The following SPRED1 variants were observed in gnomAD, a reference collection of about 807,000 sequenced individuals.
SPRED1 encodes the protein sprouty related EVH1 domain containing 1.
In SPRED1, 18 loss-of-function variants were observed where a neutral mutation model predicts 52.3. The ratio of observed to expected loss-of-function variants is 0.34; its 90% CI spans 0.24 to 0.51. SPRED1 has a LOEUF of 0.51. Ranked by LOEUF, SPRED1 falls within the 20% of genes least tolerant of loss-of-function variation. SPRED1 has a pLI of 0.97. For missense variants in SPRED1, 485 were observed against 551.0 expected, an observed-to-expected ratio of 0.88 and a Z score of 1.20; for synonymous variants, 155 against 179.7, an observed-to-expected ratio of 0.86 and a Z score of 1.10.
At chr15:38,275,362 A>G (rs1433783993) in intron 1 of SPRED1, among the ~76,000 whole-genome samples, 1 of 152,072 alleles carries the variant, frequency 6.6e-6, no homozygotes, top group Admixed American at 6.6e-5. Context: ...GGCTCATCTC[A>G]TGCTTTTCTT....
chr15:38,290,524 T>C (rs761119817), intron 1 of SPRED1, among the ~76,000 whole-genome samples: 3 of 152,190 alleles, frequency 2.0e-5, no homozygotes, highest in Admixed American at 6.5e-5. Flanking sequence ...TGATATTTGA[T>C]ACTGTGTTAG....
rs1388396030 is a variant in SPRED1 at position 38,299,402 on chromosome 15, T to C, written c.62T>C (p.Val21Ala). Residue 21 changes from valine to alanine, a missense_variant, in exon 2 of 7, where the codon GTG becomes GCG. Around this residue, in one of 5 missense-constraint regions of SPRED1, gnomAD observed 11 missense variants for 31.5 expected, o/e 0.35. Coordinates refer to ENST00000299084, the MANE Select transcript of SPRED1 (RefSeq NM_152594.3). Reference sequence around the variant, plus strand: ...AGTTATGCACGAGTGCGAGCTGTGGTGATGACCCGAGATGACTCAAGTGGT... The same window carrying C: ...AGTTATGCACGAGTGCGAGCTGTGGCGATGACCCGAGATGACTCAAGTGGT... Reference protein sequence around the residue: ...DNSYARVRAVVMTRDDSSGGW... With the variant: ...DNSYARVRAVAMTRDDSSGGW... 1 of 1,613,956 alleles carries C rather than the reference T, an allele frequency of 6.2e-7. No homozygotes were observed. The highest frequency in any genetic ancestry group is 1.1e-5 in the South Asian group (1 of 91,074).
chr15:38,316,974 ATTTAC>A (rs1254894511), intron 2 of SPRED1, among the ~76,000 whole-genome samples: 3 of 151,628 alleles, frequency 2.0e-5, no homozygotes, highest in East Asian at 3.9e-4. Flanking sequence ...TACATTTAAT[ATTTAC>A]TTTACAGTAG....
rs1161812999 is a variant in SPRED1, at chr15:38,356,119, A to G, written c.*4455A>G. On this transcript the variant is annotated 3_prime_UTR_variant, in exon 7 of 7. Transcript: ENST00000299084. Reference sequence around the variant, plus strand: ...GTCTTTGTATTAAAAATACACATAGATTTTTGTGAACATTTCCAGTGTGTA... The same window carrying G: ...GTCTTTGTATTAAAAATACACATAGGTTTTTGTGAACATTTCCAGTGTGTA... 6.6e-6 allele frequency: 1 copy of G among 152,158 alleles called. No homozygotes were observed. The allele number at this position is 152,158 out of a possible 1,614,324, so 9.4% of individuals were successfully genotyped here.
At position 38,356,872 on chromosome 15, in the gene SPRED1, A is replaced by G. The variant is rs532713482; in HGVS notation, c.*5208A>G. 3 of 152,184 alleles carry G rather than the reference A, an allele frequency of 2.0e-5. No individual in the cohort carries two copies. Among genetic ancestry groups the G allele is most frequent in the Non-Finnish European group, 2.9e-5 (2 of 67,988 alleles). The allele number at this position is 152,184 out of a possible 1,614,324, so 9.4% of individuals were successfully genotyped here. A position where few individuals can be genotyped will look rare whatever the true frequency, so the allele number is the denominator to read the frequency against. ...AAATTATAGTGTATCTCAACACTAG[A>G]ATAAGTTGGATTACTATATTATAGT... is the stretch of plus-strand genomic sequence containing the variant. On this transcript the variant is annotated 3_prime_UTR_variant, in exon 7 of 7. Coordinates refer to ENST00000299084, the MANE Select transcript of SPRED1 (RefSeq NM_152594.3).
chr15:38,346,365 T>C (rs1215427821), intron 5 of SPRED1, among the ~76,000 whole-genome samples: 2 of 152,084 alleles, frequency 1.3e-5, no homozygotes, highest in East Asian at 1.9e-4. Context: ...CAAAGTCTTA[T>C]AGGCCTGGAA....
intron 4 of SPRED1, among the ~76,000 whole-genome samples, chr15:38,331,444 T>C: frequency 6.7e-6 from 1 of 149,394 alleles, no homozygotes; most frequent in South Asian, 2.1e-4. Flanking sequence ...ATAACCCAGT[T>C]AAAAAAAAAA....
chr15:38,339,607 C>A, intron 4 of SPRED1, 130 bp from the exon 5 acceptor site: 1 of 873,150 alleles, frequency 1.1e-6, no homozygotes, highest in South Asian at 1.5e-5. Context: ...TTGGGAATTG[C>A]TATTCATAGC....
intron 1 of SPRED1, among the ~76,000 whole-genome samples, chr15:38,274,959 C>T (rs1894516737): frequency 1.3e-5 from 2 of 152,262 alleles, no homozygotes; most frequent in Middle Eastern, 3.4e-3. Flanking sequence ...GTTTGTTTTG[C>T]CAGGTTTTGT....
chr15:38,275,869 C>T (rs1010566989), intron 1 of SPRED1, among the ~76,000 whole-genome samples: 1 of 152,178 alleles, frequency 6.6e-6, no homozygotes, highest in African/African-American at 2.4e-5. Flanking sequence ...TCACAATACC[C>T]AGGTAAGGTG....
Position 38,356,546 on chromosome 15 carries a change from A to T in SPRED1, c.*4882A>T, listed in dbSNP as rs1476689139. ...GAAAGTAAAAATGGAAGCTTTTGAT[A>T]ATTAGCTCTGTTCTTTAAAAGTATA... On this transcript the variant is annotated 3_prime_UTR_variant, in exon 7 of 7. Transcript: ENST00000299084. 3 of 152,138 alleles carry T rather than the reference A, an allele frequency of 2.0e-5. No individual in the cohort carries two copies. The highest frequency in any genetic ancestry group is 7.2e-5 in the African/African-American group (3 of 41,454). The allele number at this position is 152,138 out of a possible 1,614,324, so 9.4% of individuals were successfully genotyped here. A position where few individuals can be genotyped will look rare whatever the true frequency, so the allele number is the denominator to read the frequency against.
intron 1 of SPRED1, among the ~76,000 whole-genome samples, chr15:38,296,855 G>A (rs1895050230): frequency 6.6e-6 from 1 of 152,076 alleles, no homozygotes; most frequent in East Asian, 1.9e-4. Flanking sequence ...CGGCCTTTTG[G>A]GAGGTGTTTA....
At chr15:38,299,122 T>A (rs1895099778) in intron 1 of SPRED1, among the ~76,000 whole-genome samples, 1 of 152,200 alleles carries the variant, frequency 6.6e-6, no homozygotes, top group Non-Finnish European at 1.5e-5. Context: ...ACTGAAATGA[T>A]GAATTGAGGT....
intron 1 of SPRED1, among the ~76,000 whole-genome samples, chr15:38,282,790 T>C (rs941899580): frequency 5.9e-5 from 9 of 152,238 alleles, no homozygotes; most frequent in South Asian, 4.1e-4. Context: ...TGCTGATAGC[T>C]GTTTTTATTT....
intron 4 of SPRED1, among the ~76,000 whole-genome samples, chr15:38,337,391 T>C (rs756154586): frequency 6.6e-6 from 1 of 152,198 alleles, no homozygotes; most frequent in Non-Finnish European, 1.5e-5. Context: ...AACAGTCTTT[T>C]GTTTGCCATA....
intron 1 of SPRED1, among the ~76,000 whole-genome samples, chr15:38,292,954 T>G (rs1486737600): frequency 1.3e-5 from 2 of 152,138 alleles, no homozygotes; most frequent in African/African-American, 2.4e-5. Flanking sequence ...ATTGGGCACA[T>G]AACAATGAGC....
chr15:38,307,027 C>G (rs1439184938), intron 2 of SPRED1, among the ~76,000 whole-genome samples: 3 of 152,142 alleles, frequency 2.0e-5, no homozygotes, highest in African/African-American at 7.2e-5. Flanking sequence ...TATTTCACAT[C>G]CTTTCCATTA....
In SPRED1 at chr15:38,354,350, T is replaced by A. The variant is rs571741901; in HGVS notation, c.*2686T>A. The stretch of plus-strand genomic sequence containing the variant: ...ATATAAGCAGATGGCTCAAGACAAC[T>A]GCTTGAGTAATAGTATTGAAAATGG... On this transcript the variant is annotated 3_prime_UTR_variant, in exon 7 of 7. Transcript: ENST00000299084. 1 of 152,348 alleles carries A rather than the reference T, an allele frequency of 6.6e-6. No individual in the cohort carries two copies. The highest frequency in any genetic ancestry group is 2.1e-4 in the South Asian group (1 of 4,832). The allele number at this position is 152,348 out of a possible 1,614,324, so 9.4% of individuals were successfully genotyped here. A position where few individuals can be genotyped will look rare whatever the true frequency, so the allele number is the denominator to read the frequency against.
At chr15:38,312,571 G>C (rs759755988) in intron 2 of SPRED1, among the ~76,000 whole-genome samples, 1 of 152,026 alleles carries the variant, frequency 6.6e-6, no homozygotes, top group Admixed American at 6.6e-5. Flanking sequence ...TCTAGTCCTT[G>C]ATATATTTCC....
Sources: allele counts gnomAD v4.1 joint callset (sites outside exome capture counted in the v4.1 genomes callset), GRCh38; gene constraint gnomAD v4.1.1; regional missense constraint gnomAD v4.1.1; transcripts MANE v1.5; gene names NCBI Gene and HGNC (gene_info 2026-07-23, HGNC 2026-07-21).